Variants in CPLX1 observed in about 807,000 individuals in gnomAD.
The protein encoded by CPLX1 is complexin-1.
A neutral mutation model predicts 15.6 loss-of-function variants in CPLX1; 6 were observed. The observed-to-expected ratio is 0.39, with a 90% CI of 0.21 to 0.76. The LOEUF is 0.76. CPLX1 is among the 30% of genes least tolerant of loss of function. CPLX1 has a pLI of 0.43. For missense variants in CPLX1, 242 were observed against 188.6 expected (o/e 1.28, Z -1.66); for synonymous variants, 91 against 75.2 (o/e 1.21, Z -1.08).
Position 824,602 on chromosome 4 carries a change from C to T in CPLX1, c.-79-1G>A. 1.3e-6 allele frequency: 2 copies of T among 1,510,928 alleles called. No individual in the cohort carries two copies. The allele number at this position is 1,510,928 out of a possible 1,614,324, so 93.6% of individuals were successfully genotyped here. On this transcript the variant is annotated splice_acceptor_variant, in intron 1 of 3. Transcript: ENST00000304062. LOFTEE classifies it low-confidence loss of function (5UTR_SPLICE). ...GTATGGCCGGGAGCGAGTGTTCTTC[C>T]TGGGGGAGAGTGAAGTGGTCACAGG...
intron 2 of CPLX1, among the ~76,000 whole-genome samples, chr4:807,277 GA>G (rs1746573256): frequency 6.6e-6 from 1 of 152,166 alleles, no homozygotes; most frequent in Non-Finnish European, 1.5e-5. Context: ...TGAACATTGA[GA>G]ACACATGGAC....
intron 2 of CPLX1, chr4:804,850 G>C: frequency 1.0e-6 from 1 of 977,122 alleles, no homozygotes. Flanking sequence ...GACGTGCTCA[G>C]CCTCCACGGG....
At chr4:820,291 GATCA>G (rs1746837354) in intron 2 of CPLX1, among the ~76,000 whole-genome samples, 1 of 152,228 alleles carries the variant, frequency 6.6e-6, no homozygotes, top group Non-Finnish European at 1.5e-5. Context: ...CAGAGAGCCT[GATCA>G]GTGGCCCAAT....
intron 2 of CPLX1, among the ~76,000 whole-genome samples, chr4:810,047 CTTTTTT>C (rs34354609): frequency 8.3e-6 from 1 of 120,328 alleles, no homozygotes; most frequent in Non-Finnish European, 1.7e-5. Context: ...TCTGCACTTT[CTTTTTT>C]TTTTTTTTTT....
chr4:814,444 C>A (rs1412708038), intron 2 of CPLX1, among the ~76,000 whole-genome samples: 1 of 152,106 alleles, frequency 6.6e-6, no homozygotes, highest in Admixed American at 6.5e-5. Context: ...AACTCCTGAC[C>A]TCAGGTGATT....
chr4:788,278 A>G (rs1245897845), intron 3 of CPLX1: 1 of 985,046 alleles, frequency 1.0e-6, no homozygotes, highest in East Asian at 1.1e-4. Context: ...TGTGCTCCCC[A>G]ACCCCACCGA....
intron 2 of CPLX1, among the ~76,000 whole-genome samples, chr4:819,214 A>C (rs2152648333): frequency 6.6e-6 from 1 of 152,388 alleles, no homozygotes; most frequent in South Asian, 2.1e-4. Context: ...CCAATGAGGC[A>C]AAAACATAAA....
At position 806,586 on chromosome 4, in the gene CPLX1, TATC is replaced by T. The variant is rs200307772; in HGVS notation, c.32-13981_32-13979del. Among the ~76,000 whole-genome samples, 5 of 148,372 alleles carry T rather than the reference TATC, an allele frequency of 3.4e-5. No individual in the cohort carries two copies. In the South Asian group the frequency reaches 6.2e-4, roughly 18 times the overall value. The stretch of plus-strand genomic sequence containing the variant: ...AGAGCTTCTGCATAGCAAAAGAAAC[TATC>T]ATCAGAGTGAGCAGACAACCTACAG... On this transcript the variant is annotated intron_variant, in intron 2 of 3. Coordinates refer to ENST00000304062, the MANE Select transcript of CPLX1 (RefSeq NM_006651.4).
intron 3 of CPLX1, chr4:788,307 T>C (rs1250537862): frequency 1.6e-5 from 16 of 984,994 alleles, no homozygotes; most frequent in African/African-American, 1.7e-5. Flanking sequence ...TCGGCACCTC[T>C]CCCCTCCCCT....
chr4:792,372 A>G (rs557963884), intron 3 of CPLX1, 61 bp downstream of exon 3: 5 of 1,388,590 alleles, frequency 3.6e-6, no homozygotes, highest in Non-Finnish European at 4.7e-6. Context: ...CCCAGGCGGG[A>G]TCTGGGTCCC....
intron 2 of CPLX1, among the ~76,000 whole-genome samples, chr4:824,194 G>T (rs748972363): frequency 3.9e-5 from 6 of 152,248 alleles, no homozygotes; most frequent in Non-Finnish European, 7.3e-5. Flanking sequence ...CCCCCAGGAC[G>T]TGCATCAGCA....
intron 3 of CPLX1, among the ~76,000 whole-genome samples, chr4:791,872 G>C (rs1746186188): frequency 6.6e-6 from 1 of 152,216 alleles, no homozygotes; most frequent in African/African-American, 2.4e-5. Flanking sequence ...CCGGCTTCCA[G>C]CCAGGGCCGT....
chr4:822,893 A>G (rs1370580894), intron 2 of CPLX1, among the ~76,000 whole-genome samples: 2 of 152,134 alleles, frequency 1.3e-5, no homozygotes, highest in Non-Finnish European at 2.9e-5. Context: ...TGCAAAGCCA[A>G]TGTGGGGTGC....
intron 2 of CPLX1, among the ~76,000 whole-genome samples, chr4:813,494 G>A (rs188278311): frequency 2.6e-4 from 40 of 152,176 alleles, no homozygotes; most frequent in Middle Eastern, 6.8e-3. Flanking sequence ...AGACATGAGG[G>A]ATGGTGAAAG....
chr4:813,979 T>C (rs914695088), intron 2 of CPLX1, among the ~76,000 whole-genome samples: 3 of 152,136 alleles, frequency 2.0e-5, no homozygotes, highest in African/African-American at 7.2e-5. Flanking sequence ...GAAAAGGAGC[T>C]TGTAACAAAA....
At chr4:821,757 CCCGG>C (rs1278010462) in intron 2 of CPLX1, among the ~76,000 whole-genome samples, 3 of 152,220 alleles carry the variant, frequency 2.0e-5, no homozygotes, top group Non-Finnish European at 4.4e-5. Flanking sequence ...GAGCGATCAC[CCCGG>C]CAGCCACCAT....
At chr4:788,063 T>C (rs1046979417) in intron 3 of CPLX1, 2 of 985,232 alleles carry the variant, frequency 2.0e-6, no homozygotes, top group Non-Finnish European at 2.4e-6. Context: ...GCACCAGCAC[T>C]CTACAGGACG....
chr4:810,712 T>C (rs541408113), intron 2 of CPLX1, among the ~76,000 whole-genome samples: 10 of 152,150 alleles, frequency 6.6e-5, no homozygotes, highest in African/African-American at 1.7e-4. Flanking sequence ...TTTTTTTTTT[T>C]CGAGATGGAA....
chr4:789,268 C>T (rs1050529020), intron 3 of CPLX1, among the ~76,000 whole-genome samples: 9 of 152,278 alleles, frequency 5.9e-5, no homozygotes, highest in African/African-American at 2.2e-4. Flanking sequence ...CCCAGGCCCA[C>T]CGTGATGCTG....
Sources: gnomAD v4.1 joint callset for allele counts (sites outside exome capture counted in the v4.1 genomes callset) on GRCh38, gnomAD v4.1.1 for gene constraint, MANE v1.5 for transcripts, NCBI Gene and HGNC (gene_info 2026-07-23, HGNC 2026-07-21) for gene names.